Variants in ERBB4 observed in about 807,000 individuals in gnomAD.
ERBB4 encodes the protein erb-b2 receptor tyrosine kinase 4, also known as receptor tyrosine-protein kinase erbB-4.
ERBB4 carries 42 observed loss-of-function variants against 158.0 expected under a neutral mutation model. That is an observed-to-expected ratio of 0.27 (90% confidence interval 0.21 to 0.34). The LOEUF is 0.34. ERBB4 is among the 10% of genes least tolerant of loss of function. The pLI is 1.00. For synonymous variants in ERBB4, 583 were observed against 558.7 expected, an observed-to-expected ratio of 1.04 and a Z score of -0.61; for missense variants, 1,333 against 1,624.1, an observed-to-expected ratio of 0.82 and a Z score of 3.08.
intron 20 of ERBB4, among the ~76,000 whole-genome samples, chr2:211,477,674 G>C (rs1226104986): frequency 6.6e-6 from 1 of 151,940 alleles, no homozygotes; most frequent in African/African-American, 2.4e-5. Flanking sequence ...GAAAGCAAAA[G>C]AAACTAGAGA....
At chr2:211,862,277 G>A (rs1003254590) in intron 3 of ERBB4, among the ~76,000 whole-genome samples, 1 of 152,106 alleles carries the variant, frequency 6.6e-6, no homozygotes, top group African/African-American at 2.4e-5. Flanking sequence ...TACAATAATT[G>A]TATGATGATA....
At chr2:212,122,100 A>G (rs140363114) in intron 2 of ERBB4, among the ~76,000 whole-genome samples, 1 of 151,220 alleles carries the variant, frequency 6.6e-6, no homozygotes, top group African/African-American at 2.4e-5. Context: ...ACATACAAAC[A>G]CATATATATC....
chr2:212,380,313 T>A (rs983776182), intron 1 of ERBB4, among the ~76,000 whole-genome samples: 1 of 151,370 alleles, frequency 6.6e-6, no homozygotes, highest in Non-Finnish European at 1.5e-5. Flanking sequence ...AGCAATTACA[T>A]TGTATTAGGT....
intron 1 of ERBB4, among the ~76,000 whole-genome samples, chr2:212,378,021 G>A (rs1051251763): frequency 1.3e-5 from 2 of 151,476 alleles, no homozygotes; most frequent in Non-Finnish European, 2.9e-5. Context: ...GCCTACACAG[G>A]ATCAGGATCA....
intron 4 of ERBB4, among the ~76,000 whole-genome samples, chr2:211,770,685 A>G (rs570166450): frequency 3.6e-4 from 55 of 152,280 alleles, no homozygotes; most frequent in African/African-American, 1.2e-3. Context: ...TGATCACTTC[A>G]GCTCTTCATT....
intron 4 of ERBB4, among the ~76,000 whole-genome samples, chr2:211,754,546 G>C (rs2075242178): frequency 6.7e-6 from 1 of 150,138 alleles, no homozygotes; most frequent in South Asian, 2.1e-4. Context: ...GATTACAGGT[G>C]CCTGCCATAC....
In ERBB4 at chr2:211,947,668, T is replaced by C. The variant is rs781669655; in HGVS notation, c.235-52A>G. 14 of 1,469,224 alleles carry C rather than the reference T, an allele frequency of 9.5e-6. No individual in the cohort carries two copies. In the South Asian group the frequency reaches 1.6e-4, roughly 17 times the overall value. The allele number at this position is 1,469,224 out of a possible 1,614,324, so 91.0% of individuals were successfully genotyped here. ...GTTATAAAACGAATTTGTCACTCTG[T>C]ATATGTAGCAATTTAGATTAAAATG... On this transcript the variant is annotated intron_variant, in intron 2 of 27. Coordinates refer to ENST00000342788, the MANE Select transcript of ERBB4 (RefSeq NM_005235.3).
intron 1 of ERBB4, among the ~76,000 whole-genome samples, chr2:212,427,232 A>G (rs761783740): frequency 2.0e-5 from 3 of 152,176 alleles, no homozygotes; most frequent in Non-Finnish European, 4.4e-5. Context: ...AAATAGAAGA[A>G]AGCAGTTAAT....
intron 3 of ERBB4, among the ~76,000 whole-genome samples, chr2:211,832,683 T>G (rs975798658): frequency 1.3e-5 from 2 of 150,960 alleles, no homozygotes; most frequent in African/African-American, 2.4e-5. Flanking sequence ...TAGATTCTAG[T>G]GATGGCAATT....
chr2:212,273,663 T>C lies in ERBB4; in HGVS notation c.83-148760A>G, dbSNP rs192379084. Among the ~76,000 whole-genome samples the C allele has an allele frequency of 3.2e-4, 49 of 151,964 alleles. 1 individual carries two copies. In the East Asian group the frequency reaches 9.5e-3, roughly 30 times the overall value. On this transcript the variant is annotated intron_variant, in intron 1 of 27. Coordinates refer to ENST00000342788, the MANE Select transcript of ERBB4 (RefSeq NM_005235.3). ...CACTAATAACATTTAGTTAGCTCTA[T>C]TTTGGATCTGTGTCAGAGGTAAAGT...
In ERBB4 at chr2:211,381,486, A is replaced by G. The variant is rs1201811565; in HGVS notation, c.*2129T>C. The stretch of plus-strand genomic sequence containing the variant: ...ATCTTACAGTACAACTGATTATATG[A>G]CAGCTATTCACAAAAGAGACTATGC... On this transcript the variant is annotated 3_prime_UTR_variant, in exon 28 of 28. Transcript: ENST00000342788. 4.3e-6 allele frequency: 1 copy of G among 231,662 alleles called. No individual in the cohort carries two copies. Among genetic ancestry groups the G allele is most frequent in the East Asian group, 6.1e-5 (1 of 16,340 alleles). 14.4% of individuals were successfully genotyped at this position (231,662 alleles called of 1,614,324 possible).
intron 1 of ERBB4, among the ~76,000 whole-genome samples, chr2:212,266,441 T>C (rs1331973300): frequency 6.6e-6 from 1 of 151,938 alleles, no homozygotes; most frequent in Non-Finnish European, 1.5e-5. Flanking sequence ...CAGGGTAACT[T>C]GATGGTTCTT....
intron 1 of ERBB4, among the ~76,000 whole-genome samples, chr2:212,150,020 A>C (rs1262349317): frequency 1.3e-5 from 2 of 152,136 alleles, no homozygotes; most frequent in Non-Finnish European, 2.9e-5. Context: ...TCATTTATAA[A>C]ATACCCATTT....
chr2:212,041,527 C>T (rs2077141017), intron 2 of ERBB4, among the ~76,000 whole-genome samples: 1 of 150,522 alleles, frequency 6.6e-6, no homozygotes, highest in African/African-American at 2.4e-5. Flanking sequence ...ATTTAATGAC[C>T]TGAGGAATAT....
At chr2:211,902,851 GC>G in intron 3 of ERBB4, among the ~76,000 whole-genome samples, 1 of 151,738 alleles carries the variant, frequency 6.6e-6, no homozygotes, top group East Asian at 1.9e-4. Flanking sequence ...GCAACACAAA[GC>G]AAAAACTATA....
At chr2:211,388,515 T>C (rs1043143850) in intron 25 of ERBB4, among the ~76,000 whole-genome samples, 2 of 152,092 alleles carry the variant, frequency 1.3e-5, no homozygotes, top group Non-Finnish European at 1.5e-5. Flanking sequence ...GTAAACTCCT[T>C]AGTCTCTCCT....
chr2:212,353,942 C>G (rs530679091), intron 1 of ERBB4, among the ~76,000 whole-genome samples: 81 of 152,170 alleles, frequency 5.3e-4, no homozygotes, highest in African/African-American at 1.9e-3. Context: ...CTTGGGAGTC[C>G]ACATGTGCTA....
chr2:212,374,511 TATGCCTTC>T (rs2090252969), intron 1 of ERBB4, among the ~76,000 whole-genome samples: 1 of 152,022 alleles, frequency 6.6e-6, no homozygotes, highest in South Asian at 2.1e-4. Flanking sequence ...ACACCACACA[TATGCCTTC>T]ATTTCTTTCA....
At chr2:212,352,535 A>G (rs1315048315) in intron 1 of ERBB4, among the ~76,000 whole-genome samples, 9 of 152,138 alleles carry the variant, frequency 5.9e-5, no homozygotes, top group Admixed American at 2.6e-4. Context: ...TAAATGAAGT[A>G]TGCAAATGTA....
Sources: allele counts gnomAD v4.1 joint callset (sites outside exome capture counted in the v4.1 genomes callset), GRCh38; gene constraint gnomAD v4.1.1; transcripts MANE v1.5; gene names NCBI Gene and HGNC (gene_info 2026-07-23, HGNC 2026-07-21).